SH3BP5: variants seen among roughly 807,000 people sequenced by gnomAD.
SH3BP5 encodes SH3 domain binding protein 5.
SH3BP5 carries 22 observed loss-of-function variants against 43.3 expected under a neutral mutation model. That is an observed-to-expected ratio of 0.51 (90% CI 0.36 to 0.73). The LOEUF is 0.73. SH3BP5 is among the 30% of genes least tolerant of loss of function. The pLI, the probability that SH3BP5 is intolerant of heterozygous loss-of-function variation, is 0.00. For missense variants in SH3BP5, 529 were observed against 586.9 expected, an observed-to-expected ratio of 0.90 and a Z score of 1.02; for synonymous variants, 255 against 225.8, an observed-to-expected ratio of 1.13 and a Z score of -1.16.
intron 3 of SH3BP5, among the ~76,000 whole-genome samples, chr3:15,295,889 A>C (rs1559445094): frequency 6.6e-6 from 1 of 152,246 alleles, no homozygotes; most frequent in Non-Finnish European, 1.5e-5. Flanking sequence ...CATCACCCAG[A>C]GTCAGGAGAA....
At chr3:15,291,238 C>T (rs1697405242) in intron 3 of SH3BP5, among the ~76,000 whole-genome samples, 2 of 152,206 alleles carry the variant, frequency 1.3e-5, no homozygotes, top group Admixed American at 6.5e-5. Flanking sequence ...CTTGTGCCCA[C>T]TCAAGGCTAC....
intron 1 of SH3BP5, 75 bp downstream of exon 1, chr3:15,332,196 G>A: frequency 6.5e-7 from 1 of 1,539,678 alleles, no homozygotes; most frequent in Non-Finnish European, 8.7e-7. Context: ...GCTGCGAAGT[G>A]GCTGTACGCG....
chr3:15,334,681 T>C (rs1280565014), upstream of SH3BP5, among the ~76,000 whole-genome samples: 1 of 152,188 alleles, frequency 6.6e-6, no homozygotes, highest in African/African-American at 2.4e-5. Flanking sequence ...CTGCTCATGG[T>C]GGTTCATGCC....
chr3:15,262,118 G>C (rs760315640), intron 5 of SH3BP5, 41 bp downstream of exon 5: 2 of 1,610,660 alleles, frequency 1.2e-6, no homozygotes, highest in Non-Finnish European at 8.5e-7. Context: ...TGCAGACTAG[G>C]ACAGCCGCAC....
chr3:15,335,848 C>T (rs892569778), upstream of SH3BP5, among the ~76,000 whole-genome samples: 9 of 152,092 alleles, frequency 5.9e-5, no homozygotes, highest in African/African-American at 1.7e-4. Context: ...GGGAGCAGGG[C>T]GTGGCCTAGG....
intron 2 of SH3BP5, among the ~76,000 whole-genome samples, chr3:15,327,745 T>C (rs1356580053): frequency 6.6e-6 from 1 of 152,236 alleles, no homozygotes; most frequent in Non-Finnish European, 1.5e-5. Flanking sequence ...GTGCCCAGCA[T>C]GAAGGGTGAA....
At chr3:15,330,395 A>G in intron 2 of SH3BP5, 109 bp downstream of exon 2, 1 of 882,454 alleles carries the variant, frequency 1.1e-6, no homozygotes, top group Non-Finnish European at 1.9e-6. Flanking sequence ...TCAACTCCCA[A>G]GGAGGGGGGT....
intron 5 of SH3BP5, among the ~76,000 whole-genome samples, chr3:15,261,104 G>A (rs1042978919): frequency 7.2e-5 from 11 of 152,116 alleles, no homozygotes; most frequent in African/African-American, 2.4e-4. Flanking sequence ...AACAACCCTC[G>A]CCACCTCCTG....
rs60281447 is a variant in SH3BP5, at chr3:15,299,483, A to ATTT, written c.330+4617_330+4619dup. ...CAATTTCCACCAGCTCAACAATTAG[A>ATTT]TTTTTTTTTTTTTTTTTTTTTTTTT... On this transcript the variant is annotated intron_variant, in intron 3 of 8. Transcript: ENST00000383791. Among the ~76,000 whole-genome samples the ATTT allele has an allele frequency of 5.9e-3, 543 of 92,260 alleles. 61 individuals are homozygous for ATTT. The highest frequency in any genetic ancestry group is 9.2e-3 in the Non-Finnish European group (429 of 46,712). The allele number at this position is 92,260 out of a possible 152,430, so 60.5% of individuals were successfully genotyped here. A position where few individuals can be genotyped will look rare whatever the true frequency, so the allele number is the denominator to read the frequency against.
intron 3 of SH3BP5, among the ~76,000 whole-genome samples, chr3:15,301,278 G>A (rs1159358962): frequency 1.3e-5 from 2 of 152,146 alleles, no homozygotes; most frequent in African/African-American, 4.8e-5. Context: ...GTGAGTAAAG[G>A]AGCAACGGAG....
At chr3:15,291,754 T>C (rs1344103120) in intron 3 of SH3BP5, among the ~76,000 whole-genome samples, 1 of 152,182 alleles carries the variant, frequency 6.6e-6, no homozygotes, top group East Asian at 1.9e-4. Context: ...AAGCAGGGTA[T>C]TCCAAGCTAT....
intron 2 of SH3BP5, among the ~76,000 whole-genome samples, chr3:15,311,876 T>C (rs1698067927): frequency 6.6e-6 from 1 of 152,088 alleles, no homozygotes; most frequent in South Asian, 2.1e-4. Context: ...GTCTGTGTTG[T>C]CCAGGCTGGT....
At chr3:15,321,784 C>T (rs1698332377) in intron 2 of SH3BP5, among the ~76,000 whole-genome samples, 1 of 150,276 alleles carries the variant, frequency 6.7e-6, no homozygotes, top group African/African-American at 2.4e-5. Context: ...AAGTAAAATG[C>T]CACCTGGATG....
chr3:15,282,197 G>A (rs921220982), intron 3 of SH3BP5, among the ~76,000 whole-genome samples: 1 of 152,124 alleles, frequency 6.6e-6, no homozygotes, highest in South Asian at 2.1e-4. Flanking sequence ...TTTTCAGATT[G>A]GAATGCCAAG....
At chr3:15,262,137 G>A (rs895793083) in intron 5 of SH3BP5, 22 bp downstream of exon 5, 6 of 1,613,340 alleles carry the variant, frequency 3.7e-6, no homozygotes, top group Non-Finnish European at 5.1e-6. Context: ...ACGGCCCCAG[G>A]GAAGGCCCTG....
At chr3:15,331,927 G>A (rs1698620188) in intron 1 of SH3BP5, 2 of 216,204 alleles carry the variant, frequency 9.3e-6, no homozygotes, top group Non-Finnish European at 9.2e-6. Context: ...GCGGTGCCGC[G>A]GCCGGGCAGG....
intron 6 of SH3BP5, 132 bp from the exon 7 acceptor site, chr3:15,259,182 C>T: frequency 1.4e-6 from 1 of 705,472 alleles, no homozygotes; most frequent in South Asian, 1.8e-5. Flanking sequence ...GACTGAAGAC[C>T]TAATTACCAT....
intron 4 of SH3BP5, chr3:15,264,468 GAAAT>G (rs1293238454): frequency 2.6e-5 from 4 of 152,250 alleles, no homozygotes; most frequent in Middle Eastern, 3.4e-3. Context: ...TTTAATGAGA[GAAAT>G]AAAATATTTG....
upstream of SH3BP5, among the ~76,000 whole-genome samples, chr3:15,336,285 CAG>C (rs373666504): frequency 8.5e-5 from 13 of 152,236 alleles, no homozygotes; most frequent in South Asian, 2.7e-3. Context: ...GTGGGTAGGA[CAG>C]AGACAGCCAG....
Sources: allele counts gnomAD v4.1 joint callset (sites outside exome capture counted in the v4.1 genomes callset), GRCh38; gene constraint gnomAD v4.1.1; transcripts MANE v1.5; gene names NCBI Gene and HGNC (gene_info 2026-07-23, HGNC 2026-07-21).